The following PPP1R9A variants were observed in gnomAD, a reference collection of about 807,000 sequenced individuals.
PPP1R9A encodes neurabin-1.
Under a neutral mutation model 141.9 loss-of-function variants are expected in PPP1R9A, and 59 were observed. That is an observed-to-expected ratio of 0.42 (90% CI 0.34 to 0.52). The LOEUF is 0.52. Ranked by LOEUF, PPP1R9A falls within the 20% of genes least tolerant of loss-of-function variation. The probability of loss-of-function intolerance (pLI) is 0.10; values close to 1 mark genes in which losing one functional copy is unlikely to be tolerated. For synonymous variants in PPP1R9A, 500 were observed against 569.7 expected, an observed-to-expected ratio of 0.88 and a Z score of 1.74; for missense variants, 1,444 against 1,611.9, an observed-to-expected ratio of 0.90 and a Z score of 1.78.
chr7:95,027,243 A>C (rs2151782099), intron 2 of PPP1R9A, among the ~76,000 whole-genome samples: 1 of 152,292 alleles, frequency 6.6e-6, no homozygotes, highest in South Asian at 2.1e-4. Flanking sequence ...CCTGGTCTAA[A>C]GGTTGCAAAG....
intron 4 of PPP1R9A, among the ~76,000 whole-genome samples, chr7:95,154,312 T>C (rs1829223378): frequency 6.6e-6 from 1 of 152,068 alleles, no homozygotes; most frequent in Non-Finnish European, 1.5e-5. Context: ...TTTTCTTGTA[T>C]TTGTACATTT....
At chr7:95,030,690 C>A (rs954632769) in intron 2 of PPP1R9A, among the ~76,000 whole-genome samples, 2 of 151,982 alleles carry the variant, frequency 1.3e-5, no homozygotes, top group Admixed American at 1.3e-4. Flanking sequence ...AGCAACGTTG[C>A]CTACCTACAT....
At chr7:95,195,828 A>T (rs927209426) in intron 5 of PPP1R9A, among the ~76,000 whole-genome samples, 1 of 152,094 alleles carries the variant, frequency 6.6e-6, no homozygotes, top group African/African-American at 2.4e-5. Flanking sequence ...AAGTGAGAGG[A>T]TCACTTGAGG....
At chr7:95,079,966 C>T (rs1815535312) in intron 2 of PPP1R9A, among the ~76,000 whole-genome samples, 2 of 152,112 alleles carry the variant, frequency 1.3e-5, no homozygotes, top group African/African-American at 4.8e-5. Flanking sequence ...CTATGACAAA[C>T]CCACAGCCAA....
At chr7:95,202,493 A>C (rs951814890) in intron 6 of PPP1R9A, 1 of 436,684 alleles carries the variant, frequency 2.3e-6, no homozygotes, top group Non-Finnish European at 3.0e-6. Context: ...TCATGATTTA[A>C]TTTCTGTTTA....
intron 2 of PPP1R9A, among the ~76,000 whole-genome samples, chr7:94,922,413 TC>T (rs1458376640): frequency 6.6e-6 from 1 of 152,124 alleles, no homozygotes; most frequent in African/African-American, 2.4e-5. Context: ...TGATATGACT[TC>T]TGAGTGGTTT....
chr7:95,099,636 C>T (rs898679574), intron 2 of PPP1R9A, among the ~76,000 whole-genome samples: 1 of 151,950 alleles, frequency 6.6e-6, no homozygotes, highest in Non-Finnish European at 1.5e-5. Context: ...ATGGCATAAA[C>T]TATTTTTACA....
intron 12 of PPP1R9A, among the ~76,000 whole-genome samples, chr7:95,258,168 T>C (rs901123061): frequency 9.2e-5 from 14 of 152,046 alleles, no homozygotes; most frequent in African/African-American, 2.9e-4. Context: ...CCACATCCTC[T>C]CCAGCACCTG....
At chr7:95,016,064 A>G (rs1372324429) in intron 2 of PPP1R9A, among the ~76,000 whole-genome samples, 1 of 152,132 alleles carries the variant, frequency 6.6e-6, no homozygotes, top group East Asian at 1.9e-4. Flanking sequence ...TCTCTAAAGA[A>G]TAAGAAAGAA....
intron 2 of PPP1R9A, among the ~76,000 whole-genome samples, chr7:94,957,278 G>T (rs1303669769): frequency 6.6e-6 from 1 of 152,080 alleles, no homozygotes; most frequent in Non-Finnish European, 1.5e-5. Flanking sequence ...CTAGCTGCTT[G>T]GGTGTCATGC....
intron 2 of PPP1R9A, among the ~76,000 whole-genome samples, chr7:95,038,562 G>A (rs1808777386): frequency 6.6e-6 from 1 of 152,092 alleles, no homozygotes; most frequent in South Asian, 2.1e-4. Context: ...ACACTCCAGG[G>A]TGAAAGACTG....
intron 4 of PPP1R9A, among the ~76,000 whole-genome samples, chr7:95,123,796 G>A (rs1268444817): frequency 6.6e-6 from 1 of 152,132 alleles, no homozygotes; most frequent in African/African-American, 2.4e-5. Flanking sequence ...TACATCGCAG[G>A]TTGTGGTAAG....
intron 2 of PPP1R9A, among the ~76,000 whole-genome samples, chr7:94,970,508 A>C (rs1307911520): frequency 6.6e-6 from 1 of 152,048 alleles, no homozygotes; most frequent in Non-Finnish European, 1.5e-5. Flanking sequence ...CCCACTCTCT[A>C]ACCAGTCCCA....
intron 9 of PPP1R9A, among the ~76,000 whole-genome samples, chr7:95,248,234 C>T: frequency 8.4e-6 from 1 of 119,016 alleles, no homozygotes; most frequent in East Asian, 2.4e-4. Flanking sequence ...TTTATTGTTT[C>T]AATGGTCTTT....
intron 19 of PPP1R9A, among the ~76,000 whole-genome samples, chr7:95,289,261 C>T (rs1368444080): frequency 6.6e-6 from 1 of 152,198 alleles, no homozygotes; most frequent in Non-Finnish European, 1.5e-5. Flanking sequence ...TGGCATCCAT[C>T]CCTTTGGGAA....
At chr7:94,951,560 C>T (rs1484910465) in intron 2 of PPP1R9A, among the ~76,000 whole-genome samples, 1 of 151,986 alleles carries the variant, frequency 6.6e-6, no homozygotes, top group East Asian at 1.9e-4. Context: ...CACTTGAATT[C>T]ATGGGATAAG....
At chr7:95,226,261 A>G (rs1287444241) in intron 8 of PPP1R9A, 145 bp downstream of exon 8, 3 of 832,458 alleles carry the variant, frequency 3.6e-6, no homozygotes, top group Admixed American at 3.0e-5. Flanking sequence ...TTGAATTTCA[A>G]GTAGAATTTA....
chr7:95,075,194 A>G (rs1814655071), intron 2 of PPP1R9A, among the ~76,000 whole-genome samples: 1 of 152,064 alleles, frequency 6.6e-6, no homozygotes, highest in African/African-American at 2.4e-5. Flanking sequence ...AGATTCTTAT[A>G]TTTGTTATTT....
intron 2 of PPP1R9A, among the ~76,000 whole-genome samples, chr7:94,976,187 A>G (rs535760437): frequency 6.6e-6 from 1 of 152,272 alleles, no homozygotes; most frequent in East Asian, 1.9e-4. Flanking sequence ...TATGGTGATG[A>G]CTGGTATTGT....
Sources: gnomAD v4.1 joint callset for allele counts (sites outside exome capture counted in the v4.1 genomes callset) on GRCh38, gnomAD v4.1.1 for gene constraint, MANE v1.5 for transcripts, NCBI Gene and HGNC (gene_info 2026-07-23, HGNC 2026-07-21) for gene names.